XRCC5: variants seen among roughly 807,000 people sequenced by gnomAD.
XRCC5 encodes X-ray repair cross complementing 5.
Under a neutral mutation model 95.7 loss-of-function variants are expected in XRCC5, and 12 were observed. The ratio of observed to expected loss-of-function variants is 0.13; its 90% CI spans 0.08 to 0.20. The LOEUF (loss-of-function observed/expected upper bound fraction) is 0.20, where lower values mean the gene tolerates loss of function less well. Ranked by LOEUF, XRCC5 falls within the 10% of genes least tolerant of loss-of-function variation. XRCC5 has a pLI of 1.00. For missense variants in XRCC5, 595 were observed against 873.9 expected (o/e 0.68, Z 4.02); for synonymous variants, 281 against 290.3 (o/e 0.97, Z 0.33).
At chr2:216,205,072 C>A in intron 20 of XRCC5, 116 bp from the exon 21 acceptor site, 1 of 1,201,388 alleles carries the variant, frequency 8.3e-7, no homozygotes, top group Non-Finnish European at 1.2e-6. Flanking sequence ...AATAAATGAG[C>A]AAGTACATGC....
chr2:216,206,126 TTC>T lies in XRCC5; in HGVS notation c.*928_*929del, dbSNP rs1379366583. 3 of 152,228 alleles carry T rather than the reference TTC, an allele frequency of 2.0e-5. No individual in the cohort carries two copies. Among genetic ancestry groups the T allele is most frequent in the African/African-American group, 7.2e-5 (3 of 41,454 alleles). 9.4% of individuals were successfully genotyped at this position (152,228 alleles called of 1,614,324 possible). On this transcript the variant is annotated 3_prime_UTR_variant, in exon 21 of 21. Coordinates refer to ENST00000392132, the MANE Select transcript of XRCC5 (RefSeq NM_021141.4). ...AAATAAGAAAATAACAAAGCCCTTATTCTCTTTTTTTCTTGTCCTCATTCTTG... is the reference window on the plus strand; with the variant it reads ...AAATAAGAAAATAACAAAGCCCTTATTCTTTTTTTCTTGTCCTCATTCTTG...
At position 216,161,966 on chromosome 2, in the gene XRCC5, TG is replaced by T; in HGVS notation, c.1765-11del. The T allele has an allele frequency of 6.2e-7, 1 of 1,612,722 alleles. No individual in the cohort carries two copies. The highest frequency in any genetic ancestry group is 8.5e-7 in the Non-Finnish European group (1 of 1,178,716). ...AATAACCTGTAGGTTTATCATCTGT[TG>T]GTATATTTTAGGTTGGAAGTGTGAA... On this transcript the variant is annotated splice_polypyrimidine_tract_variant and intron_variant, in intron 15 of 20. Transcript: ENST00000392132.
chr2:216,184,228 A>G (rs1226106179), intron 16 of XRCC5, among the ~76,000 whole-genome samples: 1 of 152,194 alleles, frequency 6.6e-6, no homozygotes, highest in Non-Finnish European at 1.5e-5. Flanking sequence ...GCATGTCACA[A>G]CCGTGTTAGA....
At position 216,155,329 on chromosome 2, in the gene XRCC5, G is replaced by GA. The variant is rs1438214039; in HGVS notation, c.1671-4734dup. On this transcript the variant is annotated intron_variant, in intron 14 of 20. Transcript: ENST00000392132. ...AAAATAATTTTTCAATTTTTCCATG[G>GA]AAAAATGGTCAAAGATTATAAAAAA... 3.3e-5 allele frequency among the ~76,000 whole-genome samples: 5 copies of GA among 151,530 alleles called. No individual in the cohort carries two copies. The East Asian group carries it at 9.7e-4, about 29-fold the overall frequency.
At position 216,152,487 on chromosome 2, in the gene XRCC5, G is replaced by A. The variant is rs142336491; in HGVS notation, c.1670+4211G>A. 1.7e-3 allele frequency among the ~76,000 whole-genome samples: 261 copies of A among 151,886 alleles called. 8 individuals are homozygous for A. The East Asian group carries it at 0.046, about 27-fold the overall frequency. On this transcript the variant is annotated intron_variant, in intron 14 of 20. Transcript: ENST00000392132. ...TTGGGTGGGAACACAAAGCGTAACC[G>A]TATCAGGTGAGAACTCCGCAGTTTT...
In XRCC5 at chr2:216,126,031, G is replaced by T. The variant is rs1385028588; in HGVS notation, c.798G>T (p.Ser266=). The change falls in exon 7 of 21, where the codon TCG becomes TCT. Residue 266 remains serine, a splice_region_variant and synonymous_variant. Coordinates refer to ENST00000392132, the MANE Select transcript of XRCC5 (RefSeq NM_021141.4). ...NLSIRIAAYK[S]ILQERVKKTW... is the part of the protein sequence containing the mutation. ...CTATAAGGATTGCAGCCTATAAATC[G>T]GTAAGTGGCAGGTACACATTTTTAA... is the stretch of plus-strand genomic sequence containing the variant. 1 of 1,608,506 alleles carries T rather than the reference G, an allele frequency of 6.2e-7. No individual in the cohort carries two copies. The highest frequency in any genetic ancestry group is 8.5e-7 in the Non-Finnish European group (1 of 1,175,458).
chr2:216,123,673 G>A (rs1437771190), intron 6 of XRCC5, among the ~76,000 whole-genome samples: 1 of 152,156 alleles, frequency 6.6e-6, no homozygotes, highest in Non-Finnish European at 1.5e-5. Context: ...GGGCATGGTG[G>A]TGCATGCCTG....
chr2:216,203,509 G>C (rs939944450), intron 19 of XRCC5, among the ~76,000 whole-genome samples: 1 of 152,192 alleles, frequency 6.6e-6, no homozygotes, highest in African/African-American at 2.4e-5. Flanking sequence ...GATGGAAAAA[G>C]AGTGTTCAGA....
intron 16 of XRCC5, among the ~76,000 whole-genome samples, chr2:216,188,263 A>G (rs1219155992): frequency 6.6e-6 from 1 of 152,230 alleles, no homozygotes; most frequent in Admixed American, 6.5e-5. Context: ...AGATTTTTTA[A>G]AAATTCAAAC....
intron 16 of XRCC5, among the ~76,000 whole-genome samples, chr2:216,176,687 CATT>C (rs1284345903): frequency 3.3e-5 from 5 of 151,880 alleles, no homozygotes; most frequent in Admixed American, 6.6e-5. Flanking sequence ...TGATTTTCTC[CATT>C]ATTCTCATTT....
Position 216,109,463 on chromosome 2 carries a change from A to G in XRCC5, c.21+6A>G, listed in dbSNP as rs561956541. On this transcript the variant is annotated splice_donor_region_variant and intron_variant, in intron 1 of 20. Transcript: ENST00000392132. Reference sequence around the variant, plus strand: ...TGGTGCGGTCGGGGAATAAGGTATAAAGAAAGCCATGGACTTGGGCTTTAC... The same window carrying G: ...TGGTGCGGTCGGGGAATAAGGTATAGAGAAAGCCATGGACTTGGGCTTTAC... 6.2e-7 allele frequency: 1 copy of G among 1,613,910 alleles called. No individual in the cohort carries two copies. Among genetic ancestry groups the G allele is most frequent in the South Asian group, 1.1e-5 (1 of 91,074 alleles).
At chr2:216,180,016 A>G (rs1484278063) in intron 16 of XRCC5, among the ~76,000 whole-genome samples, 9 of 152,160 alleles carry the variant, frequency 5.9e-5, no homozygotes, top group Non-Finnish European at 1.5e-5. Context: ...TGAGAGAGAA[A>G]AAGTTTAAAA....
At chr2:216,146,301 C>A (rs1405201022) in intron 13 of XRCC5, among the ~76,000 whole-genome samples, 2 of 150,850 alleles carry the variant, frequency 1.3e-5, no homozygotes, top group Non-Finnish European at 2.9e-5. Context: ...TCGAAACTTA[C>A]AGGACATTGA....
At chr2:216,171,385 A>G (rs1045448176) in intron 16 of XRCC5, among the ~76,000 whole-genome samples, 40 of 152,268 alleles carry the variant, frequency 2.6e-4, no homozygotes, top group Admixed American at 6.5e-5. Flanking sequence ...TAATTCCTTT[A>G]TAGAACAGTT....
At chr2:216,117,919 T>C in intron 4 of XRCC5, 125 bp downstream of exon 4, 1 of 1,009,242 alleles carries the variant, frequency 9.9e-7, no homozygotes, top group South Asian at 1.4e-5. Flanking sequence ...AAGAGAAACA[T>C]TTTATAGAAT....
At chr2:216,195,084 T>G (rs989392680) in intron 19 of XRCC5, 98 bp downstream of exon 19, 20 of 1,103,502 alleles carry the variant, frequency 1.8e-5, no homozygotes, top group Non-Finnish European at 2.7e-5. Context: ...GTAACTAAAT[T>G]AGTGTACTCA....
In XRCC5 at chr2:216,116,834, A is replaced by T. The variant is rs1696706060; in HGVS notation, c.311A>T (p.Gln104Leu). 1.9e-6 allele frequency: 3 copies of T among 1,613,720 alleles called. No homozygotes were observed. The highest frequency in any genetic ancestry group is 2.5e-6 in the Non-Finnish European group (3 of 1,179,642). The change falls in exon 3 of 21, where the codon CAG (glutamine) becomes CTG (leucine). Residue 104 changes from glutamine (Q) to leucine (L), a missense_variant. By Grantham distance (113) the Gln-to-Leu change is moderately radical (BLOSUM62 -2). Around this residue, in one of 2 missense-constraint regions of XRCC5, gnomAD observed 286 missense variants for 491.1 expected, o/e 0.58. Coordinates refer to ENST00000392132, the MANE Select transcript of XRCC5 (RefSeq NM_021141.4). The part of the protein sequence containing the change: ...IESKIQPGSQ[Q>L]ADFLDALIVS... The stretch of plus-strand genomic sequence containing the variant: ...AGCAAAATCCAACCAGGTTCTCAAC[A>T]GGCTGACTGTATCCTTTTTCTGCCA...
intron 16 of XRCC5, among the ~76,000 whole-genome samples, chr2:216,174,553 A>G (rs1404946850): frequency 1.3e-5 from 2 of 152,238 alleles, no homozygotes; most frequent in Non-Finnish European, 2.9e-5. Context: ...TATTCCTGTT[A>G]TCACTACCAC....
At chr2:216,169,242 A>G (rs895828766) in intron 16 of XRCC5, among the ~76,000 whole-genome samples, 2 of 152,252 alleles carry the variant, frequency 1.3e-5, no homozygotes, top group Admixed American at 6.5e-5. Context: ...ATGCATGAGT[A>G]TTAAACATGC....
Sources: allele counts gnomAD v4.1 joint callset (sites outside exome capture counted in the v4.1 genomes callset), GRCh38; gene constraint gnomAD v4.1.1; regional missense constraint gnomAD v4.1.1; transcripts MANE v1.5; gene names NCBI Gene and HGNC (gene_info 2026-07-23, HGNC 2026-07-21).